The following TEX9 variants were observed in gnomAD, a reference collection of about 807,000 sequenced individuals.
The protein encoded by TEX9 is testis expressed 9, also known as testis-expressed protein 9.
A neutral mutation model predicts 59.6 loss-of-function variants in TEX9; 74 were observed. The ratio of observed to expected loss-of-function variants is 1.24; its 90% CI spans 1.03 to 1.51. The LOEUF is 1.51. Among genes scored for constraint, TEX9 ranks in the 40% most tolerant of loss-of-function variants. TEX9 has a pLI of 0.00. For missense variants in TEX9, 522 were observed against 447.8 expected, an observed-to-expected ratio of 1.17 and a Z score of -1.49; for synonymous variants, 186 against 152.2, an observed-to-expected ratio of 1.22 and a Z score of -1.64.
chr15:56,317,140 C>A (rs903556441), intron 1 of TEX9, among the ~76,000 whole-genome samples: 8 of 152,304 alleles, frequency 5.3e-5, no homozygotes, highest in South Asian at 2.1e-4. Flanking sequence ...AGCTGTAGAC[C>A]GGAGCTGTTC....
At chr15:56,404,068 A>G (rs1042021605) in intron 9 of TEX9, among the ~76,000 whole-genome samples, 5 of 152,236 alleles carry the variant, frequency 3.3e-5, no homozygotes, top group African/African-American at 7.2e-5. Context: ...GGACATAGGC[A>G]TGGGCAAGGA....
At chr15:56,413,555 C>T (rs1413069613) in intron 10 of TEX9, among the ~76,000 whole-genome samples, 2 of 151,000 alleles carry the variant, frequency 1.3e-5, no homozygotes, top group African/African-American at 4.9e-5. Flanking sequence ...TCCCCATTTC[C>T]ACCTCCCTCT....
intron 9 of TEX9, among the ~76,000 whole-genome samples, chr15:56,404,824 C>T (rs750898257): frequency 2.0e-5 from 3 of 152,116 alleles, no homozygotes; most frequent in Non-Finnish European, 4.4e-5. Flanking sequence ...GAGTTTATGT[C>T]CTTTGCAGGG....
At position 56,264,679 on chromosome 15, in the gene TEX9, C is replaced by G. The variant is rs999475006; in HGVS notation, c.-107+20401C>G. 5.3e-5 allele frequency among the ~76,000 whole-genome samples: 8 copies of G among 152,280 alleles called. No individual in the cohort carries two copies. In the East Asian group the frequency reaches 1.5e-3, roughly 29 times the overall value. ...AAGTAATCTCTGAGACATGTGTGAC[C>G]TAATGTCACAAAGACTTTATCCTAC... On this transcript the variant is annotated intron_variant, in intron 1 of 5. Transcript: ENST00000560827.
At chr15:56,411,566 G>A (rs1044320523) in intron 9 of TEX9, among the ~76,000 whole-genome samples, 2 of 152,192 alleles carry the variant, frequency 1.3e-5, no homozygotes, top group African/African-American at 2.4e-5. Flanking sequence ...GAGCACAGGC[G>A]AAGACTGAGG....
At chr15:56,245,351 G>A (rs985681778) in intron 1 of TEX9, among the ~76,000 whole-genome samples, 1 of 151,980 alleles carries the variant, frequency 6.6e-6, no homozygotes, top group Admixed American at 6.5e-5. Context: ...AAAATAAGCC[G>A]CCCCCCCGCC....
upstream of TEX9, among the ~76,000 whole-genome samples, chr15:56,364,463 TTTC>T (rs1380200306): frequency 1.5e-5 from 2 of 131,570 alleles, no homozygotes; most frequent in Non-Finnish European, 3.4e-5. Context: ...TCTTTTTTCT[TTTC>T]TTTTTTTTTT....
chr15:56,270,240 G>A (rs756533448), intron 1 of TEX9, among the ~76,000 whole-genome samples: 19 of 152,154 alleles, frequency 1.2e-4, no homozygotes, highest in Non-Finnish European at 2.4e-4. Flanking sequence ...AATATTGACA[G>A]TGGGGTGTTA....
At position 56,245,319 on chromosome 15, in the gene TEX9, G is replaced by A. The variant is rs551549217; in HGVS notation, c.-107+1041G>A. The stretch of plus-strand genomic sequence containing the variant: ...GGTGAGGGTTGAGGGTGGGGGTGCA[G>A]GGAGGAAGAACACCTGTGTGCAAAA... On this transcript the variant is annotated intron_variant, in intron 1 of 5. Transcript: ENST00000560827. Among the ~76,000 whole-genome samples the A allele has an allele frequency of 6.6e-5, 10 of 152,286 alleles. No homozygotes were observed. The East Asian group carries it at 1.9e-3, about 29-fold the overall frequency.
intron 10 of TEX9, among the ~76,000 whole-genome samples, chr15:56,420,945 CTTTT>C (rs1227834366): frequency 6.6e-6 from 1 of 151,374 alleles, no homozygotes; most frequent in African/African-American, 2.4e-5. Flanking sequence ...TTTATGGATA[CTTTT>C]TTTTGGCCCA....
Position 56,413,872 on chromosome 15 carries a change from G to A in TEX9, c.963+1436G>A, listed in dbSNP as rs550414192. Among the ~76,000 whole-genome samples the A allele has an allele frequency of 4.1e-4, 63 of 151,820 alleles. 1 individual carries two copies. The highest frequency in any genetic ancestry group is 1.5e-3 in the African/African-American group (63 of 41,226). ...TAACATGTTTGAGAGGCAAATATGT[G>A]CCGTAGTGATTACAGAGTTTTAAGA... On this transcript the variant is annotated intron_variant, in intron 10 of 12. Coordinates refer to ENST00000352903, the Ensembl canonical transcript of TEX9.
At chr15:56,432,977 T>C (rs1209224873) in intron 12 of TEX9, among the ~76,000 whole-genome samples, 3 of 152,192 alleles carry the variant, frequency 2.0e-5, no homozygotes, top group Admixed American at 6.5e-5. Context: ...AGTGAGACAA[T>C]ATAAGTATTT....
chr15:56,413,285 TTAA>T (rs1346971589), intron 10 of TEX9, among the ~76,000 whole-genome samples: 2 of 696 alleles, frequency 2.9e-3, no homozygotes, highest in South Asian at 0.062. Flanking sequence ...ATTAAATAAT[TTAA>T]TAATAAATTA....
chr15:56,365,704 T>C, intron 2 of TEX9, 34 bp downstream of exon 2: 1 of 1,613,540 alleles, frequency 6.2e-7, no homozygotes, highest in Non-Finnish European at 8.5e-7. Flanking sequence ...TTTCCTTCTT[T>C]CTTTCATCTG....
chr15:56,329,240 T>C (rs1006909442), intron 1 of TEX9, among the ~76,000 whole-genome samples: 33 of 152,170 alleles, frequency 2.2e-4, no homozygotes, highest in East Asian at 7.7e-4. Flanking sequence ...GAGTACCCCC[T>C]AATGCAGGTA....
rs116720538 is a variant in TEX9 at position 56,438,347 on chromosome 15, A to G, written c.*30-7324A>G. On this transcript the variant is annotated intron_variant, in intron 12 of 12. Coordinates refer to ENST00000352903, the Ensembl canonical transcript of TEX9. ...ACCATCTGCTCTTTTTTTTTGTTAC[A>G]AAAAAGACAGGTTTGTTACAAACCT... is the stretch of plus-strand genomic sequence containing the variant. Among the ~76,000 whole-genome samples the G allele has an allele frequency of 4.1e-3, 627 of 152,186 alleles. 4 individuals are homozygous for G. The highest frequency in any genetic ancestry group is 0.014 in the African/African-American group (579 of 41,536).
exon 3 of TEX9, chr15:56,373,464 C>T: frequency 6.3e-7 from 1 of 1,584,324 alleles, no homozygotes; most frequent in Non-Finnish European, 8.5e-7. Flanking sequence ...GAATTGCAGG[C>T]AAAAACAGCT....
chr15:56,265,971 G>A (rs1472591303), intron 1 of TEX9, among the ~76,000 whole-genome samples: 1 of 151,942 alleles, frequency 6.6e-6, no homozygotes, highest in East Asian at 1.9e-4. Context: ...ACAGTTCTTG[G>A]GTGCTCTGAG....
rs543271697 is a variant in TEX9, at chr15:56,437,139, C to T, written c.*30-8532C>T. 2.7e-5 allele frequency among the ~76,000 whole-genome samples: 4 copies of T among 150,476 alleles called. No individual in the cohort carries two copies. In the South Asian group the frequency reaches 8.4e-4, roughly 31 times the overall value. ...GCATCCTGATACTTTGGTCGTCTGT[C>T]ATCCTGACAGAGACACCACAAAAAA... On this transcript the variant is annotated intron_variant, in intron 12 of 12. Transcript: ENST00000352903.
Sources: gnomAD v4.1 joint callset for allele counts (sites outside exome capture counted in the v4.1 genomes callset) on GRCh38, gnomAD v4.1.1 for gene constraint, MANE v1.5 for transcripts, NCBI Gene and HGNC (gene_info 2026-07-23, HGNC 2026-07-21) for gene names.